KCNQ5: variants seen among roughly 807,000 people sequenced by gnomAD.
KCNQ5 encodes the protein potassium voltage-gated channel subfamily Q member 5.
A neutral mutation model predicts 98.2 loss-of-function variants in KCNQ5; 30 were observed. That is an observed-to-expected ratio of 0.31 (90% confidence interval 0.23 to 0.41). The LOEUF (loss-of-function observed/expected upper bound fraction) is 0.41. Ranked by LOEUF, KCNQ5 falls within the 10% of genes least tolerant of loss-of-function variation. KCNQ5 has a pLI of 1.00. For synonymous variants in KCNQ5, 458 were observed against 449.4 expected (o/e 1.02, Z -0.24); for missense variants, 835 against 1,182.5 (o/e 0.71, Z 4.31).
At chr6:72,740,378 C>T (rs1771069295) in intron 1 of KCNQ5, among the ~76,000 whole-genome samples, 2 of 152,086 alleles carry the variant, frequency 1.3e-5, no homozygotes, top group African/African-American at 4.8e-5. Context: ...CTGTCCGGTT[C>T]AGTTTGTCTT....
At chr6:73,136,789 A>G (rs1045815807) in intron 10 of KCNQ5, 2 of 152,228 alleles carry the variant, frequency 1.3e-5, no homozygotes, top group Non-Finnish European at 2.9e-5. Context: ...CTTCAGTTAT[A>G]CATCTTTACT....
chr6:72,931,331 G>A (rs1400642399), intron 1 of KCNQ5, among the ~76,000 whole-genome samples: 1 of 152,134 alleles, frequency 6.6e-6, no homozygotes, highest in Non-Finnish European at 1.5e-5. Flanking sequence ...TACCTCATAT[G>A]AAAACTTATA....
chr6:72,725,475 T>G (rs1770216392), intron 1 of KCNQ5, among the ~76,000 whole-genome samples: 1 of 152,094 alleles, frequency 6.6e-6, no homozygotes, highest in Non-Finnish European at 1.5e-5. Flanking sequence ...AAGGTTGAAC[T>G]CACAGAAGTA....
At position 73,137,856 on chromosome 6, in the gene KCNQ5, C is replaced by A. The variant is rs143001513; in HGVS notation, c.1468+4215C>A. On this transcript the variant is annotated intron_variant, in intron 10 of 13. Transcript: ENST00000370398. The stretch of plus-strand genomic sequence containing the variant: ...TCTCCTAGATATTATATCAATTTCC[C>A]TTTAAGAATCTTTCATTTCTTCCCC... 5.6e-3 allele frequency among the ~76,000 whole-genome samples: 850 copies of A among 152,260 alleles called. 9 individuals carry two copies. The highest frequency in any genetic ancestry group is 0.018 in the African/African-American group (745 of 41,534).
intron 1 of KCNQ5, among the ~76,000 whole-genome samples, chr6:72,659,965 A>G (rs907081084): frequency 1.3e-5 from 2 of 152,282 alleles, no homozygotes; most frequent in South Asian, 4.2e-4. Context: ...TCATCTTAGT[A>G]GTTTCTGCAG....
chr6:72,811,167 A>G (rs780144862), intron 1 of KCNQ5, among the ~76,000 whole-genome samples: 48 of 152,324 alleles, frequency 3.2e-4, no homozygotes, highest in Admixed American at 7.8e-4. Context: ...ATAAGCTGCC[A>G]CTAACTGGCA....
At chr6:73,063,721 TGATA>T (rs11388162) in intron 3 of KCNQ5, among the ~76,000 whole-genome samples, 3,120 of 95,718 alleles carry the variant, frequency 0.033, 96 homozygotes, top group East Asian at 0.072. Context: ...GATAGATAGA[TGATA>T]GATAGATAGA....
At chr6:73,009,347 T>C (rs1042442815) in intron 2 of KCNQ5, among the ~76,000 whole-genome samples, 13 of 152,070 alleles carry the variant, frequency 8.5e-5, no homozygotes, top group African/African-American at 3.1e-4. Flanking sequence ...TAGAAATTAA[T>C]GAAAACAAAA....
At chr6:72,774,739 C>T (rs1006073772) in intron 1 of KCNQ5, among the ~76,000 whole-genome samples, 2 of 152,158 alleles carry the variant, frequency 1.3e-5, no homozygotes, top group South Asian at 2.1e-4. Context: ...AAAAGGTTCT[C>T]GGCTTAATTA....
At chr6:72,764,513 G>A (rs1000811274) in intron 1 of KCNQ5, among the ~76,000 whole-genome samples, 2 of 151,678 alleles carry the variant, frequency 1.3e-5, no homozygotes, top group African/African-American at 4.8e-5. Context: ...TATTTACGGG[G>A]TACATGAGAT....
intron 1 of KCNQ5, among the ~76,000 whole-genome samples, chr6:72,867,731 A>T (rs1778044218): frequency 1.3e-5 from 2 of 151,864 alleles, no homozygotes; most frequent in Non-Finnish European, 2.9e-5. Context: ...TGAGGACAGG[A>T]GTTAAAGACC....
At chr6:72,800,599 G>C (rs1774592663) in intron 1 of KCNQ5, among the ~76,000 whole-genome samples, 1 of 152,066 alleles carries the variant, frequency 6.6e-6, no homozygotes, top group Non-Finnish European at 1.5e-5. Context: ...TTAATTTTTT[G>C]AAGGGTTTTC....
At chr6:73,185,706 A>G (rs1472545141) in intron 11 of KCNQ5, among the ~76,000 whole-genome samples, 2 of 152,194 alleles carry the variant, frequency 1.3e-5, no homozygotes, top group African/African-American at 4.8e-5. Context: ...ATGTGCTTCT[A>G]GGAGTTTGAT....
intron 1 of KCNQ5, among the ~76,000 whole-genome samples, chr6:72,803,562 C>G (rs1376061436): frequency 1.3e-5 from 2 of 152,132 alleles, no homozygotes; most frequent in Admixed American, 1.3e-4. Flanking sequence ...ATAAATTAGT[C>G]TTTATCAGAT....
intron 1 of KCNQ5, among the ~76,000 whole-genome samples, chr6:72,982,761 C>T (rs914532730): frequency 1.3e-5 from 2 of 152,058 alleles, no homozygotes; most frequent in Non-Finnish European, 2.9e-5. Context: ...CAGTTTCTTC[C>T]TAGCATCAAT....
intron 10 of KCNQ5, among the ~76,000 whole-genome samples, chr6:73,151,260 A>C (rs920633929): frequency 6.6e-6 from 1 of 152,142 alleles, no homozygotes; most frequent in Non-Finnish European, 1.5e-5. Flanking sequence ...TTCCAGGAGC[A>C]GCCATTTTCT....
At position 73,197,416 on chromosome 6, in the gene KCNQ5, G is replaced by A. The variant is rs1223269977; in HGVS notation, c.*2002G>A. 2.0e-5 allele frequency: 3 copies of A among 152,094 alleles called. No individual in the cohort carries two copies. Among genetic ancestry groups the A allele is most frequent in the African/African-American group, 4.8e-5 (2 of 41,408 alleles). The allele number at this position is 152,094 out of a possible 1,614,324, so 9.4% of individuals were successfully genotyped here. On this transcript the variant is annotated 3_prime_UTR_variant, in exon 14 of 14. Transcript: ENST00000370398. ...TAGAATCTTTTTGGCTGCTGGAAAT[G>A]TATAGAAGATAGAGGCTAAATTTTA...
intron 10 of KCNQ5, among the ~76,000 whole-genome samples, chr6:73,140,803 C>G (rs952946463): frequency 6.6e-6 from 1 of 152,166 alleles, no homozygotes; most frequent in Non-Finnish European, 1.5e-5. Flanking sequence ...AAAACCATTA[C>G]CTGAAGAAAT....
At chr6:72,688,428 G>A (rs1300433993) in intron 1 of KCNQ5, among the ~76,000 whole-genome samples, 1 of 151,884 alleles carries the variant, frequency 6.6e-6, no homozygotes, top group Non-Finnish European at 1.5e-5. Context: ...TATGCTTTGG[G>A]AAACCAGATG....
Sources: gnomAD v4.1 joint callset for allele counts (sites outside exome capture counted in the v4.1 genomes callset) on GRCh38, gnomAD v4.1.1 for gene constraint, MANE v1.5 for transcripts, NCBI Gene and HGNC (gene_info 2026-07-23, HGNC 2026-07-21) for gene names.